The following COG5 variants were observed in gnomAD, a reference collection of about 807,000 sequenced individuals.
COG5 encodes conserved oligomeric Golgi complex subunit 5.
Under a neutral mutation model 110.4 loss-of-function variants are expected in COG5, and 86 were observed. That is an observed-to-expected ratio of 0.78 (90% CI 0.65 to 0.93). The LOEUF (loss-of-function observed/expected upper bound fraction) is 0.93, where lower values mean the gene tolerates loss of function less well. Ranked by LOEUF, COG5 falls within the 40% of genes least tolerant of loss-of-function variation. The pLI is 0.00. For missense variants in COG5, 1,077 were observed against 987.0 expected, an observed-to-expected ratio of 1.09 and a Z score of -1.22; for synonymous variants, 360 against 334.6, an observed-to-expected ratio of 1.08 and a Z score of -0.83.
chr7:107,295,022 T>TATACACACAC (rs1806551661), intron 12 of COG5, among the ~76,000 whole-genome samples: 1 of 126,012 alleles, frequency 7.9e-6, no homozygotes, highest in African/African-American at 3.0e-5. Flanking sequence ...CACACATATA[T>TATACACACAC]ATATACACAC....
chr7:107,308,604 A>G (rs1807930115), intron 11 of COG5, among the ~76,000 whole-genome samples: 1 of 152,174 alleles, frequency 6.6e-6, no homozygotes, highest in Non-Finnish European at 1.5e-5. Context: ...TTAAATAAAT[A>G]GAAATTTATC....
intron 6 of COG5, among the ~76,000 whole-genome samples, chr7:107,425,136 G>C (rs763536057): frequency 1.4e-4 from 21 of 151,864 alleles, no homozygotes; most frequent in Non-Finnish European, 1.9e-4. Context: ...AAAAGATCCA[G>C]TAAGACTAAA....
At chr7:107,432,019 G>A (rs893333417) in intron 6 of COG5, among the ~76,000 whole-genome samples, 1 of 151,988 alleles carries the variant, frequency 6.6e-6, no homozygotes. Flanking sequence ...TTTTAAACAG[G>A]AAGTGTGTGT....
chr7:107,531,622 A>C (rs577001156), intron 5 of COG5, among the ~76,000 whole-genome samples: 41 of 151,722 alleles, frequency 2.7e-4, no homozygotes, highest in Admixed American at 5.3e-4. Flanking sequence ...CCAATAATGA[A>C]AAATTAGTCG....
chr7:107,301,265 T>G (rs1292835668), intron 11 of COG5, among the ~76,000 whole-genome samples: 1 of 151,982 alleles, frequency 6.6e-6, no homozygotes, highest in Non-Finnish European at 1.5e-5. Flanking sequence ...CTGGACAACA[T>G]CTAAATTAAA....
chr7:107,291,068 T>C (rs898633776), intron 12 of COG5, among the ~76,000 whole-genome samples: 1 of 152,216 alleles, frequency 6.6e-6, no homozygotes, highest in Admixed American at 6.5e-5. Flanking sequence ...TTGGAGTTTG[T>C]TGAGCTTCCT....
intron 7 of COG5, among the ~76,000 whole-genome samples, chr7:107,373,265 T>C (rs1402825066): frequency 6.6e-6 from 1 of 152,174 alleles, no homozygotes; most frequent in Admixed American, 6.6e-5. Context: ...CTCTGAGTGC[T>C]GGAAAAACAG....
chr7:107,283,764 T>G lies in COG5; in HGVS notation c.1314-32A>C, dbSNP rs1805386090. 4.6e-6 allele frequency: 7 copies of G among 1,530,176 alleles called. No individual in the cohort carries two copies. The African/African-American group carries it at 8.2e-5, about 18-fold the overall frequency. The allele number at this position is 1,530,176 out of a possible 1,614,324, so 94.8% of individuals were successfully genotyped here. A position where few individuals can be genotyped will look rare whatever the true frequency, so the allele number is the denominator to read the frequency against. On this transcript the variant is annotated intron_variant, in intron 12 of 21. Transcript: ENST00000297135. ...AAACAAAATTTTTTAAAAACTAACT[T>G]AAATTGCACAGAGCTAAATGCTATT...
At chr7:107,372,891 T>C (rs1206136041) in intron 7 of COG5, 131 bp from the exon 8 acceptor site, 5 of 808,352 alleles carry the variant, frequency 6.2e-6, no homozygotes, top group Non-Finnish European at 9.5e-6. Context: ...TTTAAAATTA[T>C]CAAAGACAAG....
intron 6 of COG5, among the ~76,000 whole-genome samples, chr7:107,514,143 T>C (rs934892351): frequency 1.3e-5 from 2 of 151,886 alleles, no homozygotes; most frequent in Admixed American, 6.6e-5. Context: ...ACTCAGAAAA[T>C]AGACCATAAG....
chr7:107,230,579 A>G (rs756723443), intron 19 of COG5, 36 bp downstream of exon 19: 1 of 1,448,822 alleles, frequency 6.9e-7, no homozygotes, highest in Non-Finnish European at 9.7e-7. Flanking sequence ...ATTTGCCTGG[A>G]GGATATGAAT....
intron 6 of COG5, among the ~76,000 whole-genome samples, chr7:107,503,337 T>C (rs1798755400): frequency 6.6e-6 from 1 of 152,152 alleles, no homozygotes; most frequent in African/African-American, 2.4e-5. Context: ...GAGTTCTCTA[T>C]TCTGTTTCAT....
intron 14 of COG5, among the ~76,000 whole-genome samples, chr7:107,269,241 C>T (rs578198879): frequency 3.9e-5 from 6 of 152,094 alleles, no homozygotes; most frequent in Admixed American, 6.5e-5. Flanking sequence ...TTTGGGAGGC[C>T]GAGGCGGGGG....
At chr7:107,285,918 G>C (rs949404304) in intron 12 of COG5, among the ~76,000 whole-genome samples, 7 of 151,408 alleles carry the variant, frequency 4.6e-5, no homozygotes, top group Non-Finnish European at 8.8e-5. Flanking sequence ...TAACAGGAGA[G>C]ATATACACAA....
intron 6 of COG5, among the ~76,000 whole-genome samples, chr7:107,484,991 G>GTTAT (rs1797572865): frequency 6.6e-6 from 1 of 152,142 alleles, no homozygotes; most frequent in Non-Finnish European, 1.5e-5. Context: ...TTCTAGTACA[G>GTTAT]TTACCTTCTC....
In COG5 at chr7:107,201,394, GTTTAAT is replaced by G. The variant is rs774062919; in HGVS notation, c.*2116_*2121del. Reference sequence around the variant, plus strand: ...GTATTGATTTGTAAACATTCACTGAGTTTAATTTTATTTCCACAGGGCTCACAACAA... The same window carrying G: ...GTATTGATTTGTAAACATTCACTGAGTTTATTTCCACAGGGCTCACAACAA... On this transcript the variant is annotated 3_prime_UTR_variant, in exon 22 of 22. Coordinates refer to ENST00000297135, the MANE Select transcript of COG5 (RefSeq NM_006348.5). 1.1e-5 allele frequency: 17 copies of G among 1,530,466 alleles called. No homozygotes were observed. The highest frequency in any genetic ancestry group is 1.7e-5 in the Admixed American group (1 of 59,252). The allele number at this position is 1,530,466 out of a possible 1,614,324, so 94.8% of individuals were successfully genotyped here.
intron 6 of COG5, among the ~76,000 whole-genome samples, chr7:107,441,445 C>G (rs1054049949): frequency 2.0e-5 from 3 of 151,896 alleles, no homozygotes; most frequent in Non-Finnish European, 4.4e-5. Context: ...TCGTTTATGC[C>G]TTTTTAGCCC....
chr7:107,288,192 C>T (rs1805805296), intron 12 of COG5, among the ~76,000 whole-genome samples: 3 of 152,072 alleles, frequency 2.0e-5, no homozygotes, highest in East Asian at 1.9e-4. Context: ...AGTTAAACCT[C>T]GCCGCTACAA....
chr7:107,362,452 T>C, intron 8 of COG5, 32 bp from the exon 9 acceptor site: 3 of 1,487,232 alleles, frequency 2.0e-6, no homozygotes, highest in Non-Finnish European at 2.8e-6. Context: ...CAATGAAAAA[T>C]AAAGTTTTCC....
Sources: allele counts gnomAD v4.1 joint callset (sites outside exome capture counted in the v4.1 genomes callset), GRCh38; gene constraint gnomAD v4.1.1; transcripts MANE v1.5; gene names NCBI Gene and HGNC (gene_info 2026-07-23, HGNC 2026-07-21).